Variants in PVT1 observed in about 807,000 individuals in gnomAD.
The protein encoded by PVT1 is Pvt1 oncogene, also known as CXCR4/PVT1 fusion.
intron 2 of PVT1, among the ~76,000 whole-genome samples, chr8:127,842,003 C>T (rs1297255436): frequency 6.6e-6 from 1 of 151,952 alleles, no homozygotes; most frequent in African/African-American, 2.4e-5. Context: ...GGATTACAGG[C>T]GTGAGCCACT....
At chr8:127,844,526 T>C (rs181476650) in intron 2 of PVT1, among the ~76,000 whole-genome samples, 6 of 152,274 alleles carry the variant, frequency 3.9e-5, no homozygotes, top group East Asian at 1.9e-4. Context: ...TTCCTAAAGA[T>C]GCAACTCATG....
intron 3 of PVT1, among the ~76,000 whole-genome samples, chr8:127,977,170 C>T (rs761070802): frequency 8.5e-5 from 13 of 152,274 alleles, no homozygotes; most frequent in Non-Finnish European, 1.5e-4. Context: ...AATTTATTCC[C>T]CTTGTCCTTA....
intron 3 of PVT1, among the ~76,000 whole-genome samples, chr8:127,904,259 T>TG (rs1161386206): frequency 8.7e-5 from 13 of 149,882 alleles, no homozygotes; most frequent in Admixed American, 8.0e-4. Flanking sequence ...CTTGTGAGAG[T>TG]GGGGGTCTTA....
At chr8:128,019,416 C>G (rs1409125791) in intron 4 of PVT1, among the ~76,000 whole-genome samples, 1 of 152,188 alleles carries the variant, frequency 6.6e-6, no homozygotes, top group African/African-American at 2.4e-5. Context: ...CACTGTTAAA[C>G]TTCTCAAGAG....
At chr8:128,034,462 A>G (rs1447672625) in intron 4 of PVT1, among the ~76,000 whole-genome samples, 1 of 152,194 alleles carries the variant, frequency 6.6e-6, no homozygotes, top group Non-Finnish European at 1.5e-5. Context: ...CTGGTCCAGA[A>G]TACACTTACT....
At chr8:128,083,079 T>G (rs2130154881) in intron 5 of PVT1, among the ~76,000 whole-genome samples, 1 of 152,346 alleles carries the variant, frequency 6.6e-6, no homozygotes, top group Non-Finnish European at 1.5e-5. Flanking sequence ...CAAGAGTTCC[T>G]GGGTTCTAAT....
At chr8:128,035,229 C>G (rs546096463) in intron 4 of PVT1, among the ~76,000 whole-genome samples, 18 of 152,288 alleles carry the variant, frequency 1.2e-4, no homozygotes, top group African/African-American at 4.1e-4. Context: ...GAGGAGCTGC[C>G]TGCTGCTTGT....
chr8:128,024,856 A>AATTC (rs1227295502), intron 4 of PVT1, among the ~76,000 whole-genome samples: 2 of 152,106 alleles, frequency 1.3e-5, no homozygotes, highest in African/African-American at 2.4e-5. Context: ...ATCTCTAATC[A>AATTC]ATTCATTCAT....
At chr8:128,061,358 C>A (rs1464702438) in intron 4 of PVT1, among the ~76,000 whole-genome samples, 1 of 152,152 alleles carries the variant, frequency 6.6e-6, no homozygotes. Flanking sequence ...AAGTATATTC[C>A]ATTGTGTGAA....
chr8:128,017,444 A>C (rs1817386326), intron 4 of PVT1, among the ~76,000 whole-genome samples: 1 of 151,820 alleles, frequency 6.6e-6, no homozygotes, highest in Admixed American at 6.6e-5. Context: ...TAATTTTTTC[A>C]TTTTGTTTTG....
At chr8:127,964,412 C>G (rs1380521552) in intron 3 of PVT1, among the ~76,000 whole-genome samples, 1 of 152,230 alleles carries the variant, frequency 6.6e-6, no homozygotes, top group Non-Finnish European at 1.5e-5. Context: ...TGGAGGTCCT[C>G]GGAAGGGTTC....
intron 4 of PVT1, among the ~76,000 whole-genome samples, chr8:128,039,364 C>T (rs1298837797): frequency 6.6e-6 from 1 of 152,206 alleles, no homozygotes; most frequent in Non-Finnish European, 1.5e-5. Flanking sequence ...TCCAAAGAGA[C>T]AATTTCTACC....
chr8:127,821,439 T>C (rs1230448461), intron 2 of PVT1, among the ~76,000 whole-genome samples: 1 of 152,258 alleles, frequency 6.6e-6, no homozygotes, highest in African/African-American at 2.4e-5. Context: ...GATTTCGATA[T>C]ACTAAGTTAA....
chr8:127,855,940 A>G (rs1002570509), intron 2 of PVT1, among the ~76,000 whole-genome samples: 3 of 152,190 alleles, frequency 2.0e-5, no homozygotes, highest in African/African-American at 7.2e-5. Context: ...TCCCTTCTCC[A>G]TAATCTCGCC....
At chr8:127,807,934 A>C (rs1814545911) in intron 2 of PVT1, among the ~76,000 whole-genome samples, 1 of 151,114 alleles carries the variant, frequency 6.6e-6, no homozygotes, top group Non-Finnish European at 1.5e-5. Context: ...CGCCCGGTTA[A>C]TTGTTTTGTA....
At chr8:127,856,731 T>A (rs1815164617) in intron 2 of PVT1, among the ~76,000 whole-genome samples, 1 of 152,174 alleles carries the variant, frequency 6.6e-6, no homozygotes, top group South Asian at 2.1e-4. Flanking sequence ...CAGTGGAGTA[T>A]TGTCATTATC....
At chr8:127,959,872 G>C (rs1004267872) in intron 3 of PVT1, among the ~76,000 whole-genome samples, 3 of 152,136 alleles carry the variant, frequency 2.0e-5, no homozygotes, top group Non-Finnish European at 4.4e-5. Context: ...CAGGTGAGGC[G>C]CCTGCAGAAT....
chr8:127,967,652 C>T (rs907595101), intron 3 of PVT1, among the ~76,000 whole-genome samples: 1 of 152,230 alleles, frequency 6.6e-6, no homozygotes, highest in African/African-American at 2.4e-5. Context: ...CTACTTTGAG[C>T]CATCTCCTGA....
At chr8:127,883,894 A>T (rs2129791682) in intron 2 of PVT1, among the ~76,000 whole-genome samples, 1 of 152,334 alleles carries the variant, frequency 6.6e-6, no homozygotes, top group African/African-American at 2.4e-5. Context: ...GAATACGATG[A>T]AACAGGGAAA....
Sources: gnomAD v4.1 joint callset for allele counts (sites outside exome capture counted in the v4.1 genomes callset) on GRCh38, gnomAD v4.1.1 for gene constraint, MANE v1.5 for transcripts, NCBI Gene and HGNC (gene_info 2026-07-23, HGNC 2026-07-21) for gene names.